Variants in TSTD2 observed in about 807,000 individuals in gnomAD.
The protein encoded by TSTD2 is thiosulfate sulfurtransferase/rhodanese-like domain-containing protein 2.
TSTD2 carries 37 observed loss-of-function variants against 47.9 expected under a neutral mutation model. The observed-to-expected ratio is 0.77, with a 90% CI of 0.59 to 1.02. TSTD2 has a LOEUF of 1.02. TSTD2 is among the 50% of genes least tolerant of loss of function. The pLI, the probability that TSTD2 is intolerant of heterozygous loss-of-function variation, is 0.00. For missense variants in TSTD2, 586 were observed against 616.0 expected, an observed-to-expected ratio of 0.95 and a Z score of 0.52; for synonymous variants, 201 against 215.9, an observed-to-expected ratio of 0.93 and a Z score of 0.61.
chr9:97,618,858 CCTT>C (rs1826585252), intron 3 of TSTD2, among the ~76,000 whole-genome samples: 1 of 152,194 alleles, frequency 6.6e-6, no homozygotes, highest in Admixed American at 6.5e-5. Context: ...CTCCATGAAA[CCTT>C]CTTGTCTATT....
chr9:97,625,608 G>T, intron 3 of TSTD2, 73 bp downstream of exon 3: 1 of 1,413,308 alleles, frequency 7.1e-7, no homozygotes, highest in Non-Finnish European at 9.6e-7. Context: ...CATTTTAATG[G>T]GTGAATTGTA....
At position 97,619,512 on chromosome 9, in the gene TSTD2, CTT is replaced by C. The variant is rs910409360; in HGVS notation, c.483-1637_483-1636del. Among the ~76,000 whole-genome samples the C allele has an allele frequency of 5.4e-5, 8 of 147,814 alleles. No homozygotes were observed. The South Asian group carries it at 1.7e-3, about 32-fold the overall frequency. On this transcript the variant is annotated intron_variant, in intron 3 of 9. Transcript: ENST00000341170. ...ATATGTATTACGATTTTCTTTTTTTCTTTTTTTTTTGTAGGGCAGGGTCTTAC... is the reference window on the plus strand; with the variant it reads ...ATATGTATTACGATTTTCTTTTTTTCTTTTTTTTGTAGGGCAGGGTCTTAC...
At position 97,602,580 on chromosome 9, in the gene TSTD2, C is replaced by T. The variant is rs767123422; in HGVS notation, c.1440G>A (p.Glu480=). 6 of 1,614,224 alleles carry T rather than the reference C, an allele frequency of 3.7e-6. No homozygotes were observed. Among genetic ancestry groups the T allele is most frequent in the Non-Finnish European group, 5.1e-6 (6 of 1,180,038 alleles). The change falls in exon 10 of 10, where the codon GAG becomes GAA. Residue 480 remains glutamate (E), a synonymous_variant. Transcript: ENST00000341170. ...PMQDSFKEEC[E]CTARRPRIPR... is the part of the protein sequence containing the mutation. ...GTATGCGTGGCCGTCGGGCTGTGCA[C>T]TCGCATTCCTCTTTAAAGCTGTCTT...
chr9:97,606,531 T>G (rs1220317959), intron 6 of TSTD2, among the ~76,000 whole-genome samples: 1 of 152,208 alleles, frequency 6.6e-6, no homozygotes, highest in Non-Finnish European at 1.5e-5. Context: ...TCAAAGAATT[T>G]TGCATCCTCA....
At chr9:97,611,536 G>A in intron 5 of TSTD2, 38 bp downstream of exon 5, 3 of 1,549,246 alleles carry the variant, frequency 1.9e-6, no homozygotes, top group Non-Finnish European at 2.6e-6. Context: ...GGCAGAAGCA[G>A]ATGGCTCTAG....
Position 97,627,163 on chromosome 9 carries a change from G to A in TSTD2, c.165+235C>T, listed in dbSNP as rs982633833. On this transcript the variant is annotated intron_variant, in intron 2 of 9. Transcript: ENST00000341170. ...GGTCTTTTTTGACCTGGGGGGTGGG[G>A]AATGAAATCTAATCCATCTGTCTAG... 12 of 637,928 alleles carry A rather than the reference G, an allele frequency of 1.9e-5. No individual in the cohort carries two copies. In the African/African-American group the frequency reaches 2.1e-4, roughly 11 times the overall value. 39.5% of individuals were successfully genotyped at this position (637,928 alleles called of 1,614,324 possible).
At chr9:97,628,299 T>A (rs1365246390) in intron 1 of TSTD2, among the ~76,000 whole-genome samples, 2 of 152,272 alleles carry the variant, frequency 1.3e-5, no homozygotes, top group African/African-American at 4.8e-5. Context: ...GGTTCTTTTG[T>A]AAAGCAAAGG....
In TSTD2 at chr9:97,600,417, T is replaced by A; in HGVS notation, c.*2052A>T. ...TCCCTGAGTGTTCTTTAAGAACATTTGGGATTTATGTACAATTTAATACTG... is the reference window on the plus strand; with the variant it reads ...TCCCTGAGTGTTCTTTAAGAACATTAGGGATTTATGTACAATTTAATACTG... On this transcript the variant is annotated 3_prime_UTR_variant, in exon 10 of 10. Transcript: ENST00000341170. 1 of 985,720 alleles carries A rather than the reference T, an allele frequency of 1.0e-6. No homozygotes were observed. Among genetic ancestry groups the A allele is most frequent in the Non-Finnish European group, 1.2e-6 (1 of 830,064 alleles). The allele number at this position is 985,720 out of a possible 1,614,324, so 61.1% of individuals were successfully genotyped here.
rs1162417492 is a variant in TSTD2, at chr9:97,601,081, G to C, written c.*1388C>G. On this transcript the variant is annotated 3_prime_UTR_variant, in exon 10 of 10. Coordinates refer to ENST00000341170, the MANE Select transcript of TSTD2 (RefSeq NM_139246.5). Reference sequence around the variant, plus strand: ...GGGCAGTACAGGGTAACTGGAGGCGGGGCCAGGGCCTCAGCGCTATGGAAG... The same window carrying C: ...GGGCAGTACAGGGTAACTGGAGGCGCGGCCAGGGCCTCAGCGCTATGGAAG... The C allele has an allele frequency of 7.7e-7, 1 of 1,304,292 alleles. No homozygotes were observed. The highest frequency in any genetic ancestry group is 2.3e-5 in the Admixed American group (1 of 43,568). 80.8% of individuals were successfully genotyped at this position (1,304,292 alleles called of 1,614,324 possible). A position where few individuals can be genotyped will look rare whatever the true frequency, so the allele number is the denominator to read the frequency against.
chr9:97,602,892 TAA>T, intron 9 of TSTD2, 125 bp from the exon 10 acceptor site: 4 of 972,714 alleles, frequency 4.1e-6, no homozygotes, highest in Non-Finnish European at 5.9e-6. Flanking sequence ...TTCCAAATAG[TAA>T]GTCTTCTGTC....
chr9:97,602,863 T>C, intron 9 of TSTD2, 96 bp from the exon 10 acceptor site: 1 of 1,313,184 alleles, frequency 7.6e-7, no homozygotes, highest in Non-Finnish European at 1.0e-6. Flanking sequence ...TCGTAGATCC[T>C]GTGGAACCCG....
chr9:97,627,205 G>T, intron 2 of TSTD2, 193 bp downstream of exon 2: 1 of 1,122,550 alleles, frequency 8.9e-7, no homozygotes, highest in Non-Finnish European at 1.1e-6. Context: ...CCCTCCTCAA[G>T]TACTCCACCA....
intron 4 of TSTD2, among the ~76,000 whole-genome samples, chr9:97,614,492 T>C (rs1332020618): frequency 6.6e-6 from 1 of 152,094 alleles, no homozygotes; most frequent in African/African-American, 2.4e-5. Context: ...CCTGTCCTCA[T>C]GAAGCTTATA....
intron 4 of TSTD2, among the ~76,000 whole-genome samples, chr9:97,615,070 G>C (rs929721023): frequency 2.0e-5 from 3 of 152,192 alleles, no homozygotes; most frequent in African/African-American, 7.2e-5. Flanking sequence ...TAGGCTAGTA[G>C]ATTCTTTTCT....
At chr9:97,631,686 A>C (rs1258172868) in intron 1 of TSTD2, among the ~76,000 whole-genome samples, 1 of 152,170 alleles carries the variant, frequency 6.6e-6, no homozygotes, top group Admixed American at 6.5e-5. Flanking sequence ...TCTACTAAAA[A>C]TATACAAATT....
Position 97,602,807 on chromosome 9 carries a change from T to C in TSTD2, c.1253-40A>G, listed in dbSNP as rs372973217. The C allele has an allele frequency of 1.8e-5, 28 of 1,557,288 alleles. 1 individual carries two copies. The highest frequency in any genetic ancestry group is 2.4e-5 in the Non-Finnish European group (27 of 1,145,384). On this transcript the variant is annotated intron_variant, in intron 9 of 9. Transcript: ENST00000341170. ...AAAGCCATCATTATAAACACATACA[T>C]TCACACACACGTGGACAGGCATTGC...
At chr9:97,608,473 T>C (rs552310901) in intron 6 of TSTD2, among the ~76,000 whole-genome samples, 3 of 151,554 alleles carry the variant, frequency 2.0e-5, no homozygotes, top group African/African-American at 7.3e-5. Flanking sequence ...CCATCTCTAC[T>C]AAAAATACAA....
chr9:97,611,363 G>A (rs988268677), intron 5 of TSTD2, among the ~76,000 whole-genome samples: 2 of 151,660 alleles, frequency 1.3e-5, no homozygotes, highest in Non-Finnish European at 2.9e-5. Context: ...GCTGCAGTGA[G>A]CCATGATCAC....
At chr9:97,617,619 C>T (rs1587980377) in intron 4 of TSTD2, 138 bp downstream of exon 4, 1 of 1,150,704 alleles carries the variant, frequency 8.7e-7, no homozygotes, top group East Asian at 2.6e-5. Flanking sequence ...TAATATTCTA[C>T]TTAAATGCTC....
Sources: gnomAD v4.1 joint callset for allele counts (sites outside exome capture counted in the v4.1 genomes callset) on GRCh38, gnomAD v4.1.1 for gene constraint, MANE v1.5 for transcripts, NCBI Gene and HGNC (gene_info 2026-07-23, HGNC 2026-07-21) for gene names.